The following AHNAK2 variants were observed in gnomAD, a reference collection of about 807,000 sequenced individuals.
AHNAK2 encodes AHNAK nucleoprotein 2, also known as protein AHNAK2.
AHNAK2 carries 18 observed loss-of-function variants against 30.7 expected under a neutral mutation model. The observed-to-expected ratio is 0.59, with a 90% CI of 0.41 to 0.87. The LOEUF is 0.87. Ranked by LOEUF, AHNAK2 falls within the 40% of genes least tolerant of loss-of-function variation. The pLI, the probability that AHNAK2 is intolerant of heterozygous loss-of-function variation, is 0.00. For synonymous variants in AHNAK2, 3,590 were observed against 3,073.8 expected (o/e 1.17, Z -5.56); for missense variants, 8,604 against 7,373.0 (o/e 1.17, Z -6.11).
rs771190165 is a variant in AHNAK2 at position 104,945,357 on chromosome 14, A to G, written c.10094T>C (p.Leu3365Pro). The G allele has an allele frequency of 5.6e-6, 9 of 1,612,524 alleles. No homozygotes were observed. The highest frequency in any genetic ancestry group is 3.3e-4 in the Middle Eastern group (2 of 6,052). ...GTCCACCTGGCCAGCCTGGACCTCC[A>G]GGTCCACAGAAGGGAGCTGAATGCT... ...DLSIQLPSVD[L>P]EVQAGQVDVK... The change falls in exon 7 of 7, where the codon CTG becomes CCG. Residue 3365 changes from leucine (L) to proline (P), a missense_variant. By Grantham distance (98) the Leu-to-Pro change is moderately conservative. Coordinates refer to ENST00000333244, the MANE Select transcript of AHNAK2 (RefSeq NM_138420.4).
chr14:104,965,894 C>T (rs1432814447), intron 1 of AHNAK2, among the ~76,000 whole-genome samples: 2 of 152,224 alleles, frequency 1.3e-5, no homozygotes, highest in African/African-American at 4.8e-5. Context: ...ATATGTGGAC[C>T]ACCCTGCCTG....
chr14:104,954,793 CCGTGT>C lies in AHNAK2; in HGVS notation c.653_657del (p.Asp218GlyfsTer4). ...GTCTCTCTGCACCCATCAGCAACAT[CCGTGT>C]CCTGAAACATAGGGAGAGGGAATCT... is the stretch of plus-strand genomic sequence containing the variant. On this transcript the variant is annotated frameshift_variant and splice_region_variant, in exon 7 of 7. Transcript: ENST00000333244. LOFTEE classifies it low-confidence loss of function (END_TRUNC). This position sits in a 1 kb window ranked among gnomAD's most constrained non-coding sequence, Gnocchi z 4.3. The C allele has an allele frequency of 6.4e-7, 1 of 1,562,318 alleles. No homozygotes were observed. The highest frequency in any genetic ancestry group is 1.9e-5 in the Admixed American group (1 of 52,336).
At position 104,944,119 on chromosome 14, in the gene AHNAK2, C is replaced by CCT. The variant is rs1898131641; in HGVS notation, c.11331_11332insAG (p.Ala3778ArgfsTer20). ...TCCAGCTGTGCACTATCCAGTTTGG[C>CCT]TCTTGGGGCCTGGACGTCCACCTCC... On this transcript the variant is annotated frameshift_variant, in exon 7 of 7. Coordinates refer to ENST00000333244, the MANE Select transcript of AHNAK2 (RefSeq NM_138420.4). LOFTEE classifies it low-confidence loss of function (END_TRUNC). 6.2e-7 allele frequency: 1 copy of CCT among 1,613,352 alleles called. No homozygotes were observed.
Position 104,955,642 on chromosome 14 carries a change from GA to G in AHNAK2, c.316-10del. 6.2e-7 allele frequency: 1 copy of G among 1,612,226 alleles called. No individual in the cohort carries two copies. The highest frequency in any genetic ancestry group is 1.1e-5 in the South Asian group (1 of 90,678). On this transcript the variant is annotated splice_polypyrimidine_tract_variant and intron_variant, in intron 4 of 6. Transcript: ENST00000333244. ...GTTGCCTCCTGGACAGCCTGGAGCA[GA>G]AGCACATCAGGGCCATGGTGAGCAT...
Position 104,942,327 on chromosome 14 carries a change from G to T in AHNAK2, c.13124C>A (p.Ala4375Asp), listed in dbSNP as rs370864540. Residue 4375 changes from alanine to aspartate, a missense_variant, in exon 7 of 7, where the codon GCC becomes GAC. Physicochemically the swap from Ala to Asp is moderately radical, Grantham distance 126. Transcript: ENST00000333244. ...KLPEGPVHEG[A>D]GLKGHLPKLQ... The stretch of plus-strand genomic sequence containing the variant: ...CTTCGGCAGGTGCCCTTTGAGGCCG[G>T]CTCCCTCATGCACAGGGCCCTCTGG... The T allele has an allele frequency of 1.9e-6, 3 of 1,613,246 alleles. No individual in the cohort carries two copies. Among genetic ancestry groups the T allele is most frequent in the Non-Finnish European group, 2.5e-6 (3 of 1,179,790 alleles).
chr14:104,939,134 T>G lies in AHNAK2; in HGVS notation c.16317A>C (p.Ala5439=). Residue 5439 remains alanine (A), a synonymous_variant, in exon 7 of 7, where the codon GCA becomes GCC. Transcript: ENST00000333244. The stretch of plus-strand genomic sequence containing the variant: ...GCTGCTCCCCAGGGACCCCAGCACC[T>G]GCCTTCAGGATGCTGGCTCCCCAGA... The part of the protein sequence containing the change: ...PGLWGASILK[A]GAGVPGEQPV... 1.5e-5 allele frequency: 24 copies of G among 1,610,282 alleles called. No homozygotes were observed. The highest frequency in any genetic ancestry group is 2.0e-5 in the Non-Finnish European group (24 of 1,178,504).
Position 104,948,810 on chromosome 14 carries a change from G to T in AHNAK2, c.6641C>A (p.Ala2214Asp). ...QPLSADVKVQ[A>D]GQVDVKLLEG... ...CAGGAGTTTCACGTCCACCTGGCCA[G>T]CCTGGACCTTCACGTCGGCGGAAAG... The change falls in exon 7 of 7, where the codon GCT becomes GAT. Residue 2214 changes from alanine (A) to aspartate (D), a missense_variant. By Grantham distance (126) the Ala-to-Asp change is moderately radical. Coordinates refer to ENST00000333244, the MANE Select transcript of AHNAK2 (RefSeq NM_138420.4). 6.2e-7 allele frequency: 1 copy of T among 1,612,616 alleles called. No homozygotes were observed. The highest frequency in any genetic ancestry group is 8.5e-7 in the Non-Finnish European group (1 of 1,179,630).
chr14:104,949,403 G>C lies in AHNAK2; in HGVS notation c.6048C>G (p.Pro2016=), dbSNP rs376545318. The C allele has an allele frequency of 3.2e-4, 506 of 1,578,318 alleles. 50 individuals are homozygous for C. In the Admixed American group the frequency reaches 4.1e-3, roughly 13 times the overall value. ...SIEASVDVPA[P]KVEADVSLPS... ...GGAGACTCACGTCGGCCTCCACCTT[G>C]GGTGCAGGCACATCCACCGAGGCCT... Residue 2016 remains proline, a synonymous_variant, in exon 7 of 7, where the codon CCC becomes CCG. Coordinates refer to ENST00000333244, the MANE Select transcript of AHNAK2 (RefSeq NM_138420.4).
In AHNAK2 at chr14:104,946,401, A is replaced by G. The variant is rs752035226; in HGVS notation, c.9050T>C (p.Met3017Thr). Residue 3017 changes from methionine (M) to threonine (T), a missense_variant, in exon 7 of 7, where the codon ATG becomes ACG. Coordinates refer to ENST00000333244, the MANE Select transcript of AHNAK2 (RefSeq NM_138420.4). ...GTCAGTGGTCTTCAGGTCCCCCTGCATGGAGGGGAGGCTCACTTCGGCCTC... is the reference window on the plus strand; with the variant it reads ...GTCAGTGGTCTTCAGGTCCCCCTGCGTGGAGGGGAGGCTCACTTCGGCCTC... ...KVEAEVSLPSMQGDLKTTDIS... is the reference protein window; with the variant it reads ...KVEAEVSLPSTQGDLKTTDIS... The G allele has an allele frequency of 1.6e-5, 26 of 1,612,186 alleles. No individual in the cohort carries two copies. The highest frequency in any genetic ancestry group is 2.2e-5 in the Non-Finnish European group (26 of 1,179,468).
chr14:104,964,921 T>C (rs972725024), intron 1 of AHNAK2, among the ~76,000 whole-genome samples: 6 of 152,256 alleles, frequency 3.9e-5, no homozygotes, highest in African/African-American at 1.4e-4. Context: ...TTTCGATTGA[T>C]TGGATATATT....
At chr14:104,974,213 A>G (rs1031363441) in intron 1 of AHNAK2, among the ~76,000 whole-genome samples, 1 of 152,184 alleles carries the variant, frequency 6.6e-6, no homozygotes, top group Non-Finnish European at 1.5e-5. Flanking sequence ...GAGCGGGTGG[A>G]GGGGAGCAGA....
In AHNAK2 at chr14:104,947,727, T is replaced by A. The variant is rs776731348; in HGVS notation, c.7724A>T (p.Lys2575Met). 2 of 1,612,450 alleles carry A rather than the reference T, an allele frequency of 1.2e-6. No individual in the cohort carries two copies. Among genetic ancestry groups the A allele is most frequent in the South Asian group, 2.2e-5 (2 of 91,034 alleles). Residue 2575 changes from lysine to methionine, a missense_variant, in exon 7 of 7, where the codon AAG (lysine) becomes ATG (methionine). Transcript: ENST00000333244. ...GCCCTTGAGGTCCATTTCAGGCATC[T>A]TGAAACTGGGCATCTGCACCTTGGG... ...HLPKVQMPSF[K>M]MPEMDLKGPQ...
In AHNAK2 at chr14:104,942,377, C is replaced by G. The variant is rs200559641; in HGVS notation, c.13074G>C (p.Gln4358His). 358 of 1,613,044 alleles carry G rather than the reference C, an allele frequency of 2.2e-4. No individual in the cohort carries two copies. Among genetic ancestry groups the G allele is most frequent in the Non-Finnish European group, 2.9e-4 (344 of 1,179,708 alleles). Residue 4358 changes from glutamine to histidine, a missense_variant, in exon 7 of 7, where the codon CAG becomes CAC. Coordinates refer to ENST00000333244, the MANE Select transcript of AHNAK2 (RefSeq NM_138420.4). Reference protein sequence around the residue: ...IQPPSADLEVQAGQEDVKLPE... With the variant: ...IQPPSADLEVHAGQEDVKLPE... Reference sequence around the variant, plus strand: ...GGAGTTTCACATCCTCTTGGCCAGCCTGGACCTCCAGATCAGCGGAAGGGG... The same window carrying G: ...GGAGTTTCACATCCTCTTGGCCAGCGTGGACCTCCAGATCAGCGGAAGGGG...
At position 104,954,440 on chromosome 14, in the gene AHNAK2, T is replaced by G. The variant is rs1898907084; in HGVS notation, c.1011A>C (p.Ser337=). The change falls in exon 7 of 7, where the codon TCA becomes TCC. Residue 337 remains serine (S), a synonymous_variant. Transcript: ENST00000333244. This position sits in a 1 kb window ranked among gnomAD's most constrained non-coding sequence, Gnocchi z 4.3. ...RFRTGSGQGP[S]STGQPGRGFQ... ...ACCCCCTGCCTGGCTGTCCTGTCGA[T>G]GAAGGGCCCTGTCCCGAGCCTGTCC... 2 of 1,612,508 alleles carry G rather than the reference T, an allele frequency of 1.2e-6. No individual in the cohort carries two copies. Among genetic ancestry groups the G allele is most frequent in the Non-Finnish European group, 1.7e-6 (2 of 1,179,540 alleles).
rs371380674 is a variant in AHNAK2, at chr14:104,942,518, A to T, written c.12933T>A (p.Ser4311=). 34 of 1,610,816 alleles carry T rather than the reference A, an allele frequency of 2.1e-5. No homozygotes were observed. In the African/African-American group the frequency reaches 2.2e-4, roughly 10 times the overall value. Residue 4311 remains serine, a synonymous_variant, in exon 7 of 7, where the codon TCT becomes TCA. Transcript: ENST00000333244. ...PKFKMPSFGV[S]APGKSIEASL... is the part of the protein sequence containing the mutation. ...AGGCCTCGATGGACTTGCCTGGGGC[A>T]GACACCCCGAACGACGGCATCTTGA...
chr14:104,939,226 T>G lies in AHNAK2; in HGVS notation c.16225A>C (p.Thr5409Pro), dbSNP rs748108438. 1.2e-6 allele frequency: 2 copies of G among 1,613,848 alleles called. No individual in the cohort carries two copies. Among genetic ancestry groups the G allele is most frequent in the South Asian group, 1.1e-5 (1 of 91,086 alleles). Reference protein sequence around the residue: ...PSSEDDVFIPTVREVQCPEAN... With the variant: ...PSSEDDVFIPPVREVQCPEAN... Reference sequence around the variant, plus strand: ...TCTGGACACTGCACTTCCCTCACAGTGGGGATGAACACATCATCCTCTGAG... The same window carrying G: ...TCTGGACACTGCACTTCCCTCACAGGGGGGATGAACACATCATCCTCTGAG... Residue 5409 changes from threonine (T) to proline (P), a missense_variant, in exon 7 of 7, where the codon ACT (threonine) becomes CCT (proline). Thr to Pro is a conservative substitution (Grantham distance 38). Transcript: ENST00000333244.
intron 1 of AHNAK2, among the ~76,000 whole-genome samples, chr14:104,975,314 G>C (rs943709816): frequency 5.3e-5 from 8 of 152,214 alleles, no homozygotes; most frequent in Non-Finnish European, 8.8e-5. Flanking sequence ...ACTGCCTGAG[G>C]CTTGGGGCAG....
In AHNAK2 at chr14:104,953,997, CG is replaced by C. The variant is rs1566920531; in HGVS notation, c.1453del (p.Arg485GlufsTer5). On this transcript the variant is annotated frameshift_variant, in exon 7 of 7. Coordinates refer to ENST00000333244, the MANE Select transcript of AHNAK2 (RefSeq NM_138420.4). LOFTEE classifies it low-confidence loss of function (END_TRUNC). ...TQIGPPEIRVRVHDLKTPKFA... is the reference protein window; with the variant it reads ...TQIGPPEIRVXVHDLKTPKFA... ...TTTTGGTGTCTTTAAATCGTGTACT[CG>C]CACCCTAATTTCTGGTGGGCCAATC... 6.2e-7 allele frequency: 1 copy of C among 1,613,770 alleles called. No homozygotes were observed. The highest frequency in any genetic ancestry group is 8.5e-7 in the Non-Finnish European group (1 of 1,179,890).
In AHNAK2 at chr14:104,946,199, C is replaced by T; in HGVS notation, c.9252G>A (p.Lys3084=). The part of the protein sequence containing the change: ...VDRKGPQIDV[K]GPKLDLKGPK... ...GGCCTTTCAGGTCCAGCTTGGGGCC[C>T]TTGACATCTATCTGGGGTCCCTTGC... The change falls in exon 7 of 7, where the codon AAG becomes AAA. Residue 3084 remains lysine, a synonymous_variant. Coordinates refer to ENST00000333244, the MANE Select transcript of AHNAK2 (RefSeq NM_138420.4). The T allele has an allele frequency of 6.3e-7, 1 of 1,597,484 alleles. No homozygotes were observed.
Sources: allele counts gnomAD v4.1 joint callset (sites outside exome capture counted in the v4.1 genomes callset), GRCh38; gene constraint gnomAD v4.1.1; non-coding constraint Gnocchi (gnomAD v3.1); transcripts MANE v1.5; gene names NCBI Gene and HGNC (gene_info 2026-07-23, HGNC 2026-07-21).